Variants in SUMF1 observed in about 807,000 individuals in gnomAD.
SUMF1 encodes sulfatase modifying factor 1, also known as formylglycine-generating enzyme.
SUMF1 carries 48 observed loss-of-function variants against 47.6 expected under a neutral mutation model. The ratio of observed to expected loss-of-function variants is 1.01; its 90% CI spans 0.80 to 1.28. The LOEUF is 1.28. SUMF1 is among the 50% of genes most tolerant of loss of function. SUMF1 has a pLI of 0.00. For synonymous variants in SUMF1, 230 were observed against 192.1 expected, an observed-to-expected ratio of 1.20 and a Z score of -1.63; for missense variants, 571 against 485.4, an observed-to-expected ratio of 1.18 and a Z score of -1.66.
At chr3:4,417,314 G>T in intron 5 of SUMF1, 72 bp from the exon 6 acceptor site, 1 of 1,275,002 alleles carries the variant, frequency 7.8e-7, no homozygotes, top group Non-Finnish European at 1.1e-6. Context: ...GAGAAGGGAT[G>T]CAATGAAAAA....
chr3:4,267,626 C>T (rs12490754), intron 8 of SUMF1, among the ~76,000 whole-genome samples: 54,698 of 151,500 alleles, frequency 0.36, 10,688 homozygotes, highest in Non-Finnish European at 0.45. Flanking sequence ...CCAAAAAACA[C>T]ATGAAAAAAT....
chr3:4,287,240 G>A (rs1279023474), intron 8 of SUMF1, among the ~76,000 whole-genome samples: 2 of 151,962 alleles, frequency 1.3e-5, no homozygotes, highest in African/African-American at 2.4e-5. Flanking sequence ...AGAATATAAA[G>A]GGAACCTGAG....
chr3:4,265,178 T>C (rs916032527), intron 8 of SUMF1, among the ~76,000 whole-genome samples: 2 of 143,370 alleles, frequency 1.4e-5, no homozygotes, highest in Admixed American at 7.0e-5. Flanking sequence ...AGGACACAAA[T>C]ATGTTCTATG....
exon 9 of SUMF1, chr3:4,068,595 A>T: frequency 7.5e-6 from 3 of 399,388 alleles, no homozygotes; most frequent in South Asian, 5.6e-5. Context: ...AACTTGCCAC[A>T]TGTCAAACGT....
chr3:4,243,450 T>C (rs1251882880), intron 8 of SUMF1, among the ~76,000 whole-genome samples: 2 of 152,246 alleles, frequency 1.3e-5, no homozygotes, highest in African/African-American at 2.4e-5. Context: ...CCAGAGATTA[T>C]GGTATGTTGT....
intron 8 of SUMF1, among the ~76,000 whole-genome samples, chr3:4,200,587 G>C (rs1695519626): frequency 6.6e-6 from 1 of 152,074 alleles, no homozygotes; most frequent in African/African-American, 2.4e-5. Flanking sequence ...CTAGTTCTGA[G>C]ACCTCTGGAC....
chr3:4,096,258 G>A (rs1159874331), intron 8 of SUMF1, among the ~76,000 whole-genome samples: 1 of 152,116 alleles, frequency 6.6e-6, no homozygotes, highest in South Asian at 2.1e-4. Context: ...AGAACTTCCA[G>A]TAAGTACGGA....
At chr3:4,166,073 AT>A (rs2125118865) in intron 8 of SUMF1, among the ~76,000 whole-genome samples, 1 of 152,196 alleles carries the variant, frequency 6.6e-6, no homozygotes, top group South Asian at 2.1e-4. Flanking sequence ...TGAAGGTCAG[AT>A]TTAGTGGCCC....
At chr3:4,312,703 T>TAAA (rs375529794) in intron 8 of SUMF1, among the ~76,000 whole-genome samples, 3,496 of 135,832 alleles carry the variant, frequency 0.026, 138 homozygotes, top group African/African-American at 0.075. Flanking sequence ...CCCTGTCTCT[T>TAAA]AAAAAAAAAA....
At chr3:4,244,268 A>G (rs543512599) in intron 8 of SUMF1, among the ~76,000 whole-genome samples, 28 of 152,298 alleles carry the variant, frequency 1.8e-4, no homozygotes, top group African/African-American at 6.3e-4. Flanking sequence ...TTAAAGGTTA[A>G]TATTGTTATG....
At chr3:4,370,432 G>C (rs897080219) in intron 8 of SUMF1, among the ~76,000 whole-genome samples, 24 of 152,088 alleles carry the variant, frequency 1.6e-4, no homozygotes, top group Non-Finnish European at 3.1e-4. Context: ...CTGGTGATAG[G>C]GCATAGGACT....
intron 8 of SUMF1, among the ~76,000 whole-genome samples, chr3:4,170,278 A>C (rs545334843): frequency 2.0e-5 from 3 of 152,326 alleles, no homozygotes; most frequent in Non-Finnish European, 1.5e-5. Context: ...GATCTATATC[A>C]ATGGTTCTCA....
chr3:4,160,198 C>T (rs1006861716), intron 8 of SUMF1, among the ~76,000 whole-genome samples: 1 of 152,028 alleles, frequency 6.6e-6, no homozygotes, highest in Non-Finnish European at 1.5e-5. Flanking sequence ...CTTAGATTTG[C>T]CCTTTTGAAT....
chr3:4,115,189 A>G (rs1040307305), intron 8 of SUMF1, among the ~76,000 whole-genome samples: 2 of 152,038 alleles, frequency 1.3e-5, no homozygotes, highest in African/African-American at 4.8e-5. Context: ...CAGGCCATCA[A>G]CAGCAGGACG....
rs568100612 is a variant in SUMF1 at position 4,226,106 on chromosome 3, G to A, written c.1014+150224C>T. Among the ~76,000 whole-genome samples, 7 of 151,992 alleles carry A rather than the reference G, an allele frequency of 4.6e-5. No homozygotes were observed. In the East Asian group the frequency reaches 5.8e-4, roughly 13 times the overall value. ...CACTCCAAATACATAGGATCTACCC[G>A]CTCGCCATTTATAAGCAATAATAGT... On this transcript the variant is annotated intron_variant and NMD_transcript_variant, in intron 8 of 12. Coordinates refer to the SUMF1 transcript ENST00000448413.
rs192809847 is a variant in SUMF1, at chr3:4,106,120, C to A, written c.1015-37375G>T. On this transcript the variant is annotated intron_variant and NMD_transcript_variant, in intron 8 of 12. Transcript: ENST00000448413. ...AAACAATACTTCAGTGAACCTCCTT[C>A]TCTAAGTCACCTTAGGAGAATTTCT... 1.3e-4 allele frequency among the ~76,000 whole-genome samples: 20 copies of A among 152,162 alleles called. No homozygotes were observed. In the East Asian group the frequency reaches 3.9e-3, roughly 29 times the overall value.
intron 2 of SUMF1, 131 bp from the exon 3 acceptor site, chr3:4,449,471 CAG>C: frequency 2.2e-6 from 2 of 898,646 alleles, no homozygotes; most frequent in Admixed American, 3.9e-5. Flanking sequence ...TATGACTTCC[CAG>C]AGGACTCAGA....
At position 4,382,288 on chromosome 3, in the gene SUMF1, C is replaced by T. The variant is rs184833445; in HGVS notation, c.955-5899G>A. Among the ~76,000 whole-genome samples the T allele has an allele frequency of 3.5e-3, 538 of 151,772 alleles. 4 individuals carry two copies. The highest frequency in any genetic ancestry group is 0.01 in the Middle Eastern group (3 of 294). On this transcript the variant is annotated intron_variant, in intron 7 of 8. Coordinates refer to ENST00000272902, the MANE Select transcript of SUMF1 (RefSeq NM_182760.4). ...ATATGATATAAAGAATATACACAGC[C>T]CTATGAAGTATTTTTAATTACTCTT...
chr3:4,118,117 A>C (rs1308876496), intron 8 of SUMF1, among the ~76,000 whole-genome samples: 1 of 152,084 alleles, frequency 6.6e-6, no homozygotes, highest in African/African-American at 2.4e-5. Flanking sequence ...TCATTTGCAT[A>C]AGTAAATAGG....
Sources: gnomAD v4.1 joint callset for allele counts (sites outside exome capture counted in the v4.1 genomes callset) on GRCh38, gnomAD v4.1.1 for gene constraint, MANE v1.5 for transcripts, NCBI Gene and HGNC (gene_info 2026-07-23, HGNC 2026-07-21) for gene names.